Variants in VIT observed in about 807,000 individuals in gnomAD.
VIT encodes the protein vitrin.
VIT carries 99 observed loss-of-function variants against 78.0 expected under a neutral mutation model. The observed-to-expected ratio is 1.27, with a 90% CI of 1.08 to 1.50. The LOEUF (loss-of-function observed/expected upper bound fraction) is 1.50. VIT is among the 40% of genes most tolerant of loss of function. The probability of loss-of-function intolerance (pLI) is 0.00; values close to 1 mark genes in which losing one functional copy is unlikely to be tolerated. For missense variants in VIT, 1,126 were observed against 875.3 expected (o/e 1.29, Z -3.61); for synonymous variants, 374 against 334.3 (o/e 1.12, Z -1.29).
At chr2:36,804,215 G>C (rs528818668) in intron 13 of VIT, among the ~76,000 whole-genome samples, 1 of 152,284 alleles carries the variant, frequency 6.6e-6, no homozygotes, top group Non-Finnish European at 1.5e-5. Flanking sequence ...CAGAGATGTA[G>C]GGTGACCTAC....
intron 1 of VIT, among the ~76,000 whole-genome samples, chr2:36,699,908 T>C (rs887183883): frequency 5.9e-5 from 9 of 152,186 alleles, no homozygotes; most frequent in African/African-American, 2.2e-4. Flanking sequence ...CTTTGGCAAG[T>C]TACTTAAAGT....
intron 12 of VIT, among the ~76,000 whole-genome samples, chr2:36,799,800 C>T (rs1422625275): frequency 1.3e-5 from 2 of 152,052 alleles, no homozygotes; most frequent in Non-Finnish European, 2.9e-5. Flanking sequence ...GTAATTCCGG[C>T]ACTTTGGAAG....
At chr2:36,783,148 G>A (rs1238332990) in intron 10 of VIT, among the ~76,000 whole-genome samples, 192 bp from the exon 11 acceptor site, 1 of 152,206 alleles carries the variant, frequency 6.6e-6, no homozygotes, top group East Asian at 1.9e-4. Flanking sequence ...AGAGTACTAT[G>A]TTTTTGATAG....
Position 36,793,309 on chromosome 2 carries a change from C to A in VIT, c.1058+6033C>A, listed in dbSNP as rs532404376. On this transcript the variant is annotated intron_variant, in intron 12 of 15. Coordinates refer to ENST00000379242, the MANE Select transcript of VIT (RefSeq NM_053276.4). ...CTCATAGTTATTGCAGAAAAAAAAA[C>A]CCCACTCACTTAAAAATGAAATTTG... Among the ~76,000 whole-genome samples, 361 of 152,034 alleles carry A rather than the reference C, an allele frequency of 2.4e-3. 2 individuals are homozygous for A. Among genetic ancestry groups the A allele is most frequent in the South Asian group, 0.016 (79 of 4,812 alleles).
chr2:36,800,573 G>C (rs988132898), intron 12 of VIT, among the ~76,000 whole-genome samples: 2 of 152,084 alleles, frequency 1.3e-5, no homozygotes, highest in Non-Finnish European at 2.9e-5. Flanking sequence ...AGTGTCAGTG[G>C]TTTGTGAGAT....
At chr2:36,770,990 AG>A (rs1375958317) in intron 7 of VIT, among the ~76,000 whole-genome samples, 2 of 152,202 alleles carry the variant, frequency 1.3e-5, no homozygotes, top group Non-Finnish European at 2.9e-5. Context: ...GTGAAATTTG[AG>A]GCAGGAAGAG....
intron 15 of VIT, among the ~76,000 whole-genome samples, chr2:36,810,281 A>G (rs1352183353): frequency 1.3e-5 from 2 of 152,254 alleles, no homozygotes; most frequent in Non-Finnish European, 2.9e-5. Flanking sequence ...AACAAGAGCA[A>G]AACTCTGTCT....
intron 1 of VIT, among the ~76,000 whole-genome samples, chr2:36,704,341 C>G (rs1353678018): frequency 6.6e-6 from 1 of 152,114 alleles, no homozygotes; most frequent in Non-Finnish European, 1.5e-5. Context: ...ACCTGTGTAC[C>G]ATGTGCAGCA....
intron 12 of VIT, among the ~76,000 whole-genome samples, chr2:36,792,040 G>A (rs981452655): frequency 1.3e-5 from 2 of 152,162 alleles, no homozygotes; most frequent in African/African-American, 4.8e-5. Context: ...AGCAGGAAGG[G>A]GCTGTCTGGG....
intron 12 of VIT, among the ~76,000 whole-genome samples, chr2:36,798,924 A>G (rs1558583564): frequency 6.6e-6 from 1 of 152,166 alleles, no homozygotes; most frequent in Non-Finnish European, 1.5e-5. Flanking sequence ...GTAGGTTGAT[A>G]GGAAGGTCAC....
intron 1 of VIT, among the ~76,000 whole-genome samples, chr2:36,700,604 T>C (rs1426226437): frequency 1.3e-5 from 2 of 152,048 alleles, no homozygotes; most frequent in Non-Finnish European, 2.9e-5. Flanking sequence ...TAGCCAGGCA[T>C]GGCTGTGCTC....
At chr2:36,796,595 T>A (rs542269543) in intron 12 of VIT, among the ~76,000 whole-genome samples, 1 of 152,304 alleles carries the variant, frequency 6.6e-6, no homozygotes, top group South Asian at 2.1e-4. Context: ...AGTGAAGAGG[T>A]TCAACATTAA....
chr2:36,803,380 G>A (rs1182279821), intron 13 of VIT, among the ~76,000 whole-genome samples: 1 of 152,176 alleles, frequency 6.6e-6, no homozygotes, highest in Non-Finnish European at 1.5e-5. Context: ...CTGATTTCCA[G>A]CCTCTATTTT....
rs558564137 is a variant in VIT, at chr2:36,769,370, C to G, written c.679+2085C>G. Among the ~76,000 whole-genome samples the G allele has an allele frequency of 2.6e-5, 4 of 152,310 alleles. No homozygotes were observed. The South Asian group carries it at 8.3e-4, about 32-fold the overall frequency. On this transcript the variant is annotated intron_variant, in intron 7 of 15. Coordinates refer to ENST00000379242, the MANE Select transcript of VIT (RefSeq NM_053276.4). ...CCTAAGAAACTTGAAGTAGTGGCTC[C>G]TAACCTGGCAAAGCTTCTTTATTCC...
At chr2:36,785,012 C>A (rs142788756) in intron 11 of VIT, among the ~76,000 whole-genome samples, 173 of 152,262 alleles carry the variant, frequency 1.1e-3, no homozygotes, top group African/African-American at 4.0e-3. Context: ...ATACGTTAAT[C>A]CTGAAAACAA....
chr2:36,711,823 G>C (rs965856259), intron 1 of VIT, among the ~76,000 whole-genome samples: 1 of 152,184 alleles, frequency 6.6e-6, no homozygotes, highest in African/African-American at 2.4e-5. Context: ...GAGATCTAAT[G>C]AAATTTGTTG....
intron 1 of VIT, among the ~76,000 whole-genome samples, chr2:36,709,834 G>A (rs1665690503): frequency 6.6e-6 from 1 of 152,152 alleles, no homozygotes; most frequent in Non-Finnish European, 1.5e-5. Context: ...GGGAAGGCAG[G>A]CCATTTCATG....
At chr2:36,752,537 T>C (rs1668525939) in intron 4 of VIT, among the ~76,000 whole-genome samples, 1 of 152,218 alleles carries the variant, frequency 6.6e-6, no homozygotes, top group South Asian at 2.1e-4. Flanking sequence ...AGAATATCTA[T>C]GAAGTGCCTA....
intron 2 of VIT, among the ~76,000 whole-genome samples, chr2:36,717,335 TG>T (rs1433363684): frequency 9.9e-3 from 16 of 1,622 alleles, no homozygotes; most frequent in African/African-American, 0.013. Flanking sequence ...GCCTGGCTAA[TG>T]TGTGTGTGTG....
Sources: gnomAD v4.1 joint callset for allele counts (sites outside exome capture counted in the v4.1 genomes callset) on GRCh38, gnomAD v4.1.1 for gene constraint, MANE v1.5 for transcripts, NCBI Gene and HGNC (gene_info 2026-07-23, HGNC 2026-07-21) for gene names.